The following SHISA6 variants were observed in gnomAD, a reference collection of about 807,000 sequenced individuals.
SHISA6 encodes the protein protein shisa-6.
A neutral mutation model predicts 47.9 loss-of-function variants in SHISA6; 22 were observed. The observed-to-expected ratio is 0.46, with a 90% CI of 0.33 to 0.66. The LOEUF (loss-of-function observed/expected upper bound fraction) is 0.66. Among genes scored for constraint, SHISA6 ranks in the 30% least tolerant of loss-of-function variants. SHISA6 has a pLI of 0.02. For missense variants in SHISA6, 680 were observed against 764.6 expected (o/e 0.89, Z 1.30); for synonymous variants, 388 against 337.8 (o/e 1.15, Z -1.63).
chr17:11,523,474 A>G (rs2071647572), intron 3 of SHISA6, among the ~76,000 whole-genome samples: 1 of 152,176 alleles, frequency 6.6e-6, no homozygotes, highest in African/African-American at 2.4e-5. Flanking sequence ...AGAAAAGAGC[A>G]TTTGTACAAA....
chr17:11,361,050 T>A (rs1236495708), intron 2 of SHISA6, among the ~76,000 whole-genome samples: 1 of 116,900 alleles, frequency 8.6e-6, no homozygotes, highest in Non-Finnish European at 1.9e-5. Context: ...TTCCTGTTTT[T>A]TTTTTTGTGT....
chr17:11,332,149 C>T (rs1047283146), intron 2 of SHISA6, among the ~76,000 whole-genome samples: 13 of 151,906 alleles, frequency 8.6e-5, no homozygotes, highest in Admixed American at 6.6e-5. Context: ...CACCATCCTC[C>T]CCCACCTCTC....
chr17:11,394,998 CTT>C (rs772109588), intron 3 of SHISA6, among the ~76,000 whole-genome samples: 119 of 95,046 alleles, frequency 1.3e-3, no homozygotes, highest in African/African-American at 4.5e-3. Flanking sequence ...TTTTTCTTTT[CTT>C]TTTTTTTTTT....
intron 1 of SHISA6, among the ~76,000 whole-genome samples, chr17:11,262,488 G>A (rs1908267096): frequency 6.6e-6 from 1 of 152,190 alleles, no homozygotes; most frequent in Non-Finnish European, 1.5e-5. Flanking sequence ...CCCACAGAGG[G>A]CATCCTGTTT....
rs151281186 is a variant in SHISA6 at position 11,379,809 on chromosome 17, G to A, written c.895+300G>A. 1.1e-3 allele frequency: 338 copies of A among 303,992 alleles called. 5 individuals carry two copies. The highest frequency in any genetic ancestry group is 5.3e-3 in the African/African-American group (233 of 44,196). 18.8% of individuals were successfully genotyped at this position (303,992 alleles called of 1,614,324 possible). A position where few individuals can be genotyped will look rare whatever the true frequency, so the allele number is the denominator to read the frequency against. On this transcript the variant is annotated intron_variant, in intron 3 of 5. Coordinates refer to ENST00000441885, the MANE Select transcript of SHISA6 (RefSeq NM_207386.4). Reference sequence around the variant, plus strand: ...ACAGGGAGTGTGGTGGAAAACTGCCGGTGGATGTAGCAGCATTTGCAATGT... The same window carrying A: ...ACAGGGAGTGTGGTGGAAAACTGCCAGTGGATGTAGCAGCATTTGCAATGT...
At chr17:11,390,689 C>A (rs2142255375) in intron 3 of SHISA6, among the ~76,000 whole-genome samples, 1 of 152,202 alleles carries the variant, frequency 6.6e-6, no homozygotes, top group South Asian at 2.1e-4. Flanking sequence ...CATTCTATAT[C>A]CTGCATGTTG....
chr17:11,521,912 T>C (rs1188187668), intron 3 of SHISA6, among the ~76,000 whole-genome samples: 1 of 152,122 alleles, frequency 6.6e-6, no homozygotes, highest in African/African-American at 2.4e-5. Context: ...TAGAGATATA[T>C]ACAGTTTTTA....
intron 3 of SHISA6, among the ~76,000 whole-genome samples, chr17:11,539,288 T>C (rs1393975398): frequency 6.6e-6 from 1 of 152,234 alleles, no homozygotes; most frequent in East Asian, 1.9e-4. Flanking sequence ...CCAGCCATTG[T>C]TTATGCCTTT....
intron 5 of SHISA6, among the ~76,000 whole-genome samples, chr17:11,556,680 A>G (rs2071983655): frequency 6.6e-6 from 1 of 152,148 alleles, no homozygotes. Context: ...TGAAACGTGG[A>G]GTCTCTAGCT....
chr17:11,461,401 A>C (rs1193159218), intron 3 of SHISA6, among the ~76,000 whole-genome samples: 1 of 93,004 alleles, frequency 1.1e-5, no homozygotes, highest in Non-Finnish European at 2.2e-5. Context: ...CATCTCAAAA[A>C]AAAAAAAAAA....
chr17:11,414,628 A>G lies in SHISA6; in HGVS notation c.895+35119A>G, dbSNP rs112114621. Among the ~76,000 whole-genome samples the G allele has an allele frequency of 1.9e-3, 291 of 152,322 alleles. 1 individual carries two copies. The highest frequency in any genetic ancestry group is 6.6e-3 in the African/African-American group (273 of 41,568). On this transcript the variant is annotated intron_variant, in intron 3 of 5. Coordinates refer to ENST00000441885, the MANE Select transcript of SHISA6 (RefSeq NM_207386.4). ...GATAAGGTATGAAAGGAGACCTTCA[A>G]AAACCCACATATAATAATACTCTCC... is the stretch of plus-strand genomic sequence containing the variant.
intron 2 of SHISA6, among the ~76,000 whole-genome samples, chr17:11,340,873 T>C (rs1224130084): frequency 6.6e-6 from 1 of 152,132 alleles, no homozygotes; most frequent in Non-Finnish European, 1.5e-5. Flanking sequence ...TTCCCAGAGG[T>C]ACAAGAAAGG....
At chr17:11,448,420 C>A (rs1489847936) in intron 3 of SHISA6, among the ~76,000 whole-genome samples, 1 of 151,682 alleles carries the variant, frequency 6.6e-6, no homozygotes, top group Non-Finnish European at 1.5e-5. Context: ...GTAGTCCAAG[C>A]TATCAGGAGG....
intron 3 of SHISA6, among the ~76,000 whole-genome samples, chr17:11,541,368 A>C (rs1013134224): frequency 3.3e-5 from 5 of 152,186 alleles, no homozygotes; most frequent in Non-Finnish European, 5.9e-5. Context: ...GTTTCATGTG[A>C]GCACAAGGTG....
intron 3 of SHISA6, among the ~76,000 whole-genome samples, chr17:11,451,334 G>A (rs1021765410): frequency 3.3e-5 from 5 of 152,202 alleles, no homozygotes; most frequent in Non-Finnish European, 7.3e-5. Flanking sequence ...CCCTATGGAG[G>A]AGGAAGAGGT....
chr17:11,352,034 C>T (rs1877645), intron 2 of SHISA6, among the ~76,000 whole-genome samples: 54,085 of 151,852 alleles, frequency 0.36, 9,934 homozygotes, highest in East Asian at 0.63. Flanking sequence ...ATGTTGGACA[C>T]GTAGGGACAG....
rs1425583039 is a variant in SHISA6 at position 11,429,626 on chromosome 17, A to AG, written c.895+50117_895+50118insG. ...GAGAAACCCCATCTCTACTTAAAAA[A>AG]AAAAAAAAAAAAAAATTAGCCAGGC... On this transcript the variant is annotated intron_variant, in intron 3 of 5. Transcript: ENST00000441885. Among the ~76,000 whole-genome samples, 162 of 151,336 alleles carry AG rather than the reference A, an allele frequency of 1.1e-3. 4 individuals carry two copies. In the East Asian group the frequency reaches 0.025, roughly 24 times the overall value.
At chr17:11,327,996 A>C (rs1234034841) in intron 2 of SHISA6, among the ~76,000 whole-genome samples, 1 of 152,130 alleles carries the variant, frequency 6.6e-6, no homozygotes, top group East Asian at 1.9e-4. Flanking sequence ...TAAATTAAAA[A>C]ATGTATATAT....
intron 3 of SHISA6, among the ~76,000 whole-genome samples, chr17:11,543,223 T>G (rs2071848412): frequency 6.6e-6 from 1 of 152,328 alleles, no homozygotes; most frequent in African/African-American, 2.4e-5. Flanking sequence ...GCAATAATTT[T>G]TATACTGCAT....
Sources: allele counts gnomAD v4.1 joint callset (sites outside exome capture counted in the v4.1 genomes callset), GRCh38; gene constraint gnomAD v4.1.1; transcripts MANE v1.5; gene names NCBI Gene and HGNC (gene_info 2026-07-23, HGNC 2026-07-21).